AGMO: variants seen among roughly 807,000 people sequenced by gnomAD.
AGMO encodes alkylglycerol monooxygenase, also known as glyceryl-ether monooxygenase.
AGMO carries 75 observed loss-of-function variants against 60.2 expected under a neutral mutation model. The ratio of observed to expected loss-of-function variants is 1.25; its 90% CI spans 1.03 to 1.51. The LOEUF (loss-of-function observed/expected upper bound fraction) is 1.51, where lower values mean the gene tolerates loss of function less well. Among genes scored for constraint, AGMO ranks in the 40% most tolerant of loss-of-function variants. The probability of loss-of-function intolerance (pLI) is 0.00; values close to 1 mark genes in which losing one functional copy is unlikely to be tolerated. For synonymous variants in AGMO, 261 were observed against 177.1 expected, an observed-to-expected ratio of 1.47 and a Z score of -3.76; for missense variants, 763 against 525.5, an observed-to-expected ratio of 1.45 and a Z score of -4.42.
At chr7:15,265,191 C>G (rs866991331) in intron 12 of AGMO, among the ~76,000 whole-genome samples, 10 of 152,026 alleles carry the variant, frequency 6.6e-5, no homozygotes, top group African/African-American at 2.2e-4. Context: ...AACAGAAAAC[C>G]AAATACCACA....
At chr7:15,369,077 T>C (rs1385286061) in intron 10 of AGMO, among the ~76,000 whole-genome samples, 1 of 152,136 alleles carries the variant, frequency 6.6e-6, no homozygotes, top group East Asian at 1.9e-4. Flanking sequence ...TCCTTAACTT[T>C]TTCTGTCACT....
At chr7:15,269,112 T>C (rs1783520556) in intron 12 of AGMO, among the ~76,000 whole-genome samples, 1 of 152,088 alleles carries the variant, frequency 6.6e-6, no homozygotes, top group Non-Finnish European at 1.5e-5. Context: ...CAATGTAATG[T>C]GAAAGTAGGC....
intron 12 of AGMO, among the ~76,000 whole-genome samples, chr7:15,343,461 AG>A: frequency 6.6e-6 from 1 of 152,306 alleles, no homozygotes; most frequent in South Asian, 2.1e-4. Context: ...TTAGAATGAA[AG>A]GGGCTGGAGA....
intron 5 of AGMO, among the ~76,000 whole-genome samples, chr7:15,402,563 T>C (rs553083193): frequency 2.7e-5 from 4 of 148,822 alleles, no homozygotes; most frequent in African/African-American, 9.8e-5. Context: ...AAATCTTATG[T>C]ATTATAGTCA....
the AGMO span, among the ~76,000 whole-genome samples, chr7:15,132,072 G>C: frequency 1.3e-5 from 2 of 152,128 alleles, no homozygotes; most frequent in South Asian, 2.1e-4. Flanking sequence ...GCAGAGAGGA[G>C]TGGAGATGGG....
chr7:15,209,836 T>A (rs1379649783), intron 12 of AGMO, among the ~76,000 whole-genome samples: 2 of 152,156 alleles, frequency 1.3e-5, no homozygotes, highest in African/African-American at 2.4e-5. Context: ...CTACCTGTTC[T>A]GGCAACAATT....
chr7:15,482,016 G>T (rs1302764772), intron 3 of AGMO, among the ~76,000 whole-genome samples: 1 of 151,812 alleles, frequency 6.6e-6, no homozygotes, highest in Non-Finnish European at 1.5e-5. Context: ...GTGGCATGCA[G>T]ATAAAGCTGT....
intron 12 of AGMO, among the ~76,000 whole-genome samples, chr7:15,238,037 G>GT (rs1477211174): frequency 1.3e-5 from 2 of 152,086 alleles, no homozygotes; most frequent in African/African-American, 4.8e-5. Flanking sequence ...ACATTGACCA[G>GT]CCTCTCCCTT....
chr7:15,545,665 A>T (rs6952094), intron 2 of AGMO, among the ~76,000 whole-genome samples: 4,064 of 152,226 alleles, frequency 0.027, 188 homozygotes, highest in African/African-American at 0.091. Flanking sequence ...AAACTCAGAC[A>T]CTAGAATATA....
chr7:15,199,693 G>C (rs1781223430), downstream of AGMO, among the ~76,000 whole-genome samples: 1 of 152,074 alleles, frequency 6.6e-6, no homozygotes, highest in Non-Finnish European at 1.5e-5. Context: ...ACATGATTCT[G>C]TATATGTATA....
chr7:15,534,426 T>G (rs2128543896), intron 3 of AGMO, among the ~76,000 whole-genome samples: 1 of 152,142 alleles, frequency 6.6e-6, no homozygotes. Flanking sequence ...TGATATTCAC[T>G]TGGGGAAAAG....
chr7:15,326,251 C>T (rs1392137594), intron 12 of AGMO, among the ~76,000 whole-genome samples: 3 of 152,058 alleles, frequency 2.0e-5, no homozygotes, highest in African/African-American at 7.2e-5. Flanking sequence ...ATCTATATGG[C>T]AAAACTCCCA....
intron 3 of AGMO, among the ~76,000 whole-genome samples, chr7:15,499,227 G>C (rs951760126): frequency 6.6e-6 from 1 of 151,756 alleles, no homozygotes; most frequent in African/African-American, 2.4e-5. Flanking sequence ...TCCCACAACA[G>C]CCTTTCTATA....
chr7:15,192,445 T>A, the AGMO span, among the ~76,000 whole-genome samples: 1 of 151,844 alleles, frequency 6.6e-6, no homozygotes, highest in African/African-American at 2.4e-5. Context: ...CCAGGGAAGG[T>A]CATCTTCCCA....
intron 12 of AGMO, among the ~76,000 whole-genome samples, chr7:15,341,347 G>C (rs1360601209): frequency 6.6e-6 from 1 of 152,130 alleles, no homozygotes; most frequent in Admixed American, 6.5e-5. Flanking sequence ...AATTTCCACA[G>C]ATCTCTAGGG....
chr7:15,392,700 G>A (rs550134946), intron 6 of AGMO, among the ~76,000 whole-genome samples: 1 of 152,090 alleles, frequency 6.6e-6, no homozygotes, highest in Non-Finnish European at 1.5e-5. Context: ...TTGGGAGGCT[G>A]CAGCAGAAGA....
chr7:15,555,685 A>G (rs888436328), intron 2 of AGMO, among the ~76,000 whole-genome samples: 2 of 152,022 alleles, frequency 1.3e-5, no homozygotes, highest in African/African-American at 4.8e-5. Flanking sequence ...TTGATACATT[A>G]TTTACTTTGC....
chr7:15,515,073 T>G (rs1783773865), intron 3 of AGMO, among the ~76,000 whole-genome samples: 1 of 152,200 alleles, frequency 6.6e-6, no homozygotes, highest in African/African-American at 2.4e-5. Context: ...CGGGAGGAAG[T>G]TAAACCCTAG....
chr7:15,355,443 C>A (rs1271565646), intron 12 of AGMO, among the ~76,000 whole-genome samples: 1 of 133,934 alleles, frequency 7.5e-6, no homozygotes, highest in South Asian at 2.3e-4. Context: ...GTGGAGCTTG[C>A]AGTGAGCCCA....
Sources: allele counts gnomAD v4.1 joint callset (sites outside exome capture counted in the v4.1 genomes callset), GRCh38; gene constraint gnomAD v4.1.1; transcripts MANE v1.5; gene names NCBI Gene and HGNC (gene_info 2026-07-23, HGNC 2026-07-21).